THSD7B: variants seen among roughly 807,000 people sequenced by gnomAD.
THSD7B encodes the protein thrombospondin type-1 domain-containing protein 7B.
THSD7B carries 138 observed loss-of-function variants against 213.6 expected under a neutral mutation model. The observed-to-expected ratio is 0.65, with a 90% CI of 0.56 to 0.74. The LOEUF is 0.74. Ranked by LOEUF, THSD7B falls within the 30% of genes least tolerant of loss-of-function variation. THSD7B has a pLI of 0.00. For missense variants in THSD7B, 1,931 were observed against 1,991.5 expected, an observed-to-expected ratio of 0.97 and a Z score of 0.58; for synonymous variants, 742 against 687.0, an observed-to-expected ratio of 1.08 and a Z score of -1.25.
intron 2 of THSD7B, among the ~76,000 whole-genome samples, chr2:136,984,133 G>A (rs1685631911): frequency 6.6e-6 from 1 of 152,192 alleles, no homozygotes; most frequent in South Asian, 2.1e-4. Flanking sequence ...ATCAACCCAA[G>A]GTCATACCTA....
intron 2 of THSD7B, among the ~76,000 whole-genome samples, chr2:136,965,361 T>C (rs867526214): frequency 1.3e-5 from 2 of 152,038 alleles, no homozygotes; most frequent in African/African-American, 4.8e-5. Flanking sequence ...GGGTGAAAAA[T>C]AGAATATGGG....
chr2:137,029,834 G>A (rs1223121730), intron 2 of THSD7B, among the ~76,000 whole-genome samples: 2 of 152,112 alleles, frequency 1.3e-5, no homozygotes, highest in African/African-American at 2.4e-5. Flanking sequence ...GCACCTGATA[G>A]CACTAGTGTT....
intron 14 of THSD7B, among the ~76,000 whole-genome samples, chr2:137,432,121 G>A (rs542952459): frequency 2.0e-5 from 3 of 152,164 alleles, no homozygotes; most frequent in Non-Finnish European, 4.4e-5. Flanking sequence ...GGCCAGGCGC[G>A]GTGGCTCCTG....
chr2:136,879,792 C>CA (rs1208852514), intron 1 of THSD7B, among the ~76,000 whole-genome samples: 7 of 151,592 alleles, frequency 4.6e-5, no homozygotes, highest in African/African-American at 1.7e-4. Flanking sequence ...CAAATGGAAA[C>CA]AAAAAAAGTC....
chr2:137,240,155 G>A (rs1220239574), intron 9 of THSD7B, among the ~76,000 whole-genome samples: 2 of 152,172 alleles, frequency 1.3e-5, no homozygotes, highest in African/African-American at 2.4e-5. Context: ...TTTGTGTTTA[G>A]ATCAACTCTC....
intron 10 of THSD7B, among the ~76,000 whole-genome samples, chr2:137,252,283 A>C (rs1021526377): frequency 1.3e-5 from 2 of 151,130 alleles, no homozygotes; most frequent in African/African-American, 2.4e-5. Flanking sequence ...AAAAAAAAAA[A>C]AAAAAAACAA....
At chr2:137,075,129 G>A (rs11887723) in intron 3 of THSD7B, among the ~76,000 whole-genome samples, 1 of 152,054 alleles carries the variant, frequency 6.6e-6, no homozygotes, top group Non-Finnish European at 1.5e-5. Flanking sequence ...TTGAATGTTG[G>A]CCTGCTGTGC....
chr2:136,877,046 T>A (rs753463882), intron 1 of THSD7B, among the ~76,000 whole-genome samples: 3 of 152,192 alleles, frequency 2.0e-5, no homozygotes, highest in South Asian at 2.1e-4. Context: ...CGTCTGTGAA[T>A]CTTCACATGT....
At chr2:137,294,410 C>A (rs1451587532) in intron 12 of THSD7B, among the ~76,000 whole-genome samples, 4 of 151,650 alleles carry the variant, frequency 2.6e-5, no homozygotes, top group African/African-American at 9.7e-5. Flanking sequence ...TGGTGAAACC[C>A]CGTCTCTAAT....
intron 2 of THSD7B, among the ~76,000 whole-genome samples, chr2:137,016,049 C>T: frequency 6.6e-6 from 1 of 152,188 alleles, no homozygotes; most frequent in East Asian, 1.9e-4. Flanking sequence ...GCTACACTAA[C>T]ATTTGTTCAG....
intron 4 of THSD7B, among the ~76,000 whole-genome samples, chr2:137,106,124 C>T (rs1448803494): frequency 6.6e-6 from 1 of 152,174 alleles, no homozygotes; most frequent in Non-Finnish European, 1.5e-5. Context: ...CTGGAGGAAT[C>T]ACGCTACCTG....
chr2:137,110,564 TA>T (rs1473163637), intron 4 of THSD7B, among the ~76,000 whole-genome samples: 2 of 152,200 alleles, frequency 1.3e-5, no homozygotes, highest in Non-Finnish European at 2.9e-5. Flanking sequence ...TGTTTTTACA[TA>T]AATGGAGGGC....
intron 2 of THSD7B, among the ~76,000 whole-genome samples, chr2:136,945,004 C>A (rs145347733): frequency 0.013 from 2,018 of 152,228 alleles, 31 homozygotes; most frequent in East Asian, 0.074. Context: ...TACAATTTGG[C>A]ATGTTTTTGC....
intron 12 of THSD7B, among the ~76,000 whole-genome samples, chr2:137,338,410 G>A (rs979552556): frequency 6.6e-6 from 1 of 151,952 alleles, no homozygotes; most frequent in African/African-American, 2.4e-5. Context: ...GAGGTGGGAG[G>A]ACTGGCCTCT....
chr2:137,344,537 A>T (rs1252720352), intron 12 of THSD7B, among the ~76,000 whole-genome samples: 2 of 151,682 alleles, frequency 1.3e-5, no homozygotes, highest in Non-Finnish European at 3.0e-5. Flanking sequence ...TTTATATGTG[A>T]CTACATTCTT....
At chr2:136,955,888 G>A (rs1685115527) in intron 2 of THSD7B, among the ~76,000 whole-genome samples, 1 of 151,912 alleles carries the variant, frequency 6.6e-6, no homozygotes, top group Admixed American at 6.6e-5. Context: ...TCCTGACCTC[G>A]TGATCCACCC....
intron 5 of THSD7B, among the ~76,000 whole-genome samples, chr2:137,117,466 A>G (rs915413344): frequency 2.0e-5 from 3 of 152,180 alleles, no homozygotes; most frequent in Non-Finnish European, 4.4e-5. Context: ...ACATCAAATT[A>G]TTAATATTAT....
chr2:136,987,037 C>T (rs1015368114), intron 2 of THSD7B, among the ~76,000 whole-genome samples: 1 of 152,206 alleles, frequency 6.6e-6, no homozygotes, highest in African/African-American at 2.4e-5. Flanking sequence ...TGTGACAGAA[C>T]ATGCATGGTG....
chr2:136,993,031 G>A (rs567203722), intron 2 of THSD7B, among the ~76,000 whole-genome samples: 5 of 152,088 alleles, frequency 3.3e-5, no homozygotes, highest in South Asian at 4.1e-4. Flanking sequence ...TCATGCTCTC[G>A]CACTGGAGCA....
Sources: allele counts gnomAD v4.1 joint callset (sites outside exome capture counted in the v4.1 genomes callset), GRCh38; gene constraint gnomAD v4.1.1; transcripts MANE v1.5; gene names NCBI Gene and HGNC (gene_info 2026-07-23, HGNC 2026-07-21).